The following PRKRIP1 variants were observed in gnomAD, a reference collection of about 807,000 sequenced individuals.
PRKRIP1 encodes PRKR interacting protein 1.
In PRKRIP1, 29 loss-of-function variants were observed where a neutral mutation model predicts 29.3. That is an observed-to-expected ratio of 0.99 (90% CI 0.74 to 1.35). PRKRIP1 has a LOEUF of 1.35. Among genes scored for constraint, PRKRIP1 ranks in the 40% most tolerant of loss-of-function variants. The probability of loss-of-function intolerance (pLI) is 0.00; values close to 1 mark genes in which losing one functional copy is unlikely to be tolerated. For synonymous variants in PRKRIP1, 90 were observed against 85.1 expected (o/e 1.06, Z -0.32); for missense variants, 247 against 236.8 (o/e 1.04, Z -0.28).
intron 3 of PRKRIP1, among the ~76,000 whole-genome samples, chr7:102,399,959 C>CCATT (rs762825444): frequency 1.3e-5 from 2 of 150,472 alleles, no homozygotes; most frequent in Non-Finnish European, 3.0e-5. Context: ...CAAGATCGTG[C>CCATT]CATTGCACTC....
At chr7:102,424,804 C>T (rs1796791401) in intron 5 of PRKRIP1, among the ~76,000 whole-genome samples, 1 of 151,984 alleles carries the variant, frequency 6.6e-6, no homozygotes, top group African/African-American at 2.4e-5. Flanking sequence ...TGGGGTGCAC[C>T]CGTGAGAGCA....
Position 102,407,354 on chromosome 7 carries a change from A to G in PRKRIP1, c.393-80A>G, listed in dbSNP as rs1156423414. 3.6e-6 allele frequency: 3 copies of G among 824,482 alleles called. No homozygotes were observed. The African/African-American group carries it at 5.2e-5, about 14-fold the overall frequency. 51.1% of individuals were successfully genotyped at this position (824,482 alleles called of 1,614,324 possible). A position where few individuals can be genotyped will look rare whatever the true frequency, so the allele number is the denominator to read the frequency against. ...TTGTGTTATTCCGCAGGTTTTAGAG[A>G]TACCATAAGGAGGTGTTTATTTTCT... On this transcript the variant is annotated intron_variant, in intron 4 of 5. Transcript: ENST00000397912.
intron 5 of PRKRIP1, among the ~76,000 whole-genome samples, chr7:102,418,618 C>G (rs1796613591): frequency 6.6e-6 from 1 of 152,286 alleles, no homozygotes; most frequent in East Asian, 1.9e-4. Flanking sequence ...GCCTTCTCTC[C>G]TTGTTTCTCT....
intron 3 of PRKRIP1, 76 bp from the exon 4 acceptor site, chr7:102,404,522 C>T (rs1586678810): frequency 5.0e-6 from 6 of 1,198,080 alleles, no homozygotes; most frequent in Non-Finnish European, 7.3e-6. Flanking sequence ...CTAGAACTCT[C>T]CTACTTTGCC....
chr7:102,407,480 G>C lies in PRKRIP1; in HGVS notation c.439G>C (p.Glu147Gln). 6.2e-7 allele frequency: 1 copy of C among 1,613,150 alleles called. No individual in the cohort carries two copies. The highest frequency in any genetic ancestry group is 2.2e-5 in the East Asian group (1 of 44,876). ...KKLLAKKMKL[E>Q]QKKQEGPGQP... is the part of the protein sequence containing the mutation. The stretch of plus-strand genomic sequence containing the variant: ...ATTACTGGCAAAGAAGATGAAACTT[G>C]AACAGAAGAAACAAGAAGGTGAGTG... Residue 147 changes from glutamate (E) to glutamine (Q), a missense_variant, in exon 5 of 6, where the codon GAA becomes CAA. Glu to Gln is a conservative substitution (Grantham distance 29). Coordinates refer to ENST00000397912, the MANE Select transcript of PRKRIP1 (RefSeq NM_024653.4).
Position 102,396,450 on chromosome 7 carries a change from G to A in PRKRIP1, c.39G>A (p.Arg13=), listed in dbSNP as rs1795898839. The part of the protein sequence containing the change: ...SPAASSVRPP[R]PKKEPQTLVI... ...CCGCCTCCTCGGTGCGACCACCGAG[G>A]CCCAAGAAAGAGCCGCAGACGCTCG... The change falls in exon 1 of 6, where the codon AGG becomes AGA. Residue 13 remains arginine, a synonymous_variant. Transcript: ENST00000397912. 6.2e-7 allele frequency: 1 copy of A among 1,605,572 alleles called. No homozygotes were observed. The highest frequency in any genetic ancestry group is 8.5e-7 in the Non-Finnish European group (1 of 1,177,732).
At chr7:102,401,554 T>G (rs1487420848) in intron 3 of PRKRIP1, among the ~76,000 whole-genome samples, 13 of 152,058 alleles carry the variant, frequency 8.5e-5, no homozygotes. Flanking sequence ...GCCAACATGG[T>G]GAGACCCCAT....
At chr7:102,421,985 C>T (rs560122472) in intron 5 of PRKRIP1, among the ~76,000 whole-genome samples, 1 of 152,036 alleles carries the variant, frequency 6.6e-6, no homozygotes, top group Admixed American at 6.6e-5. Flanking sequence ...CCGTTAAGCA[C>T]TTATGTGTGA....
intron 3 of PRKRIP1, among the ~76,000 whole-genome samples, chr7:102,401,288 G>A (rs1253763704): frequency 5.9e-5 from 9 of 152,326 alleles, no homozygotes; most frequent in African/African-American, 2.2e-4. Context: ...TCAAAGAGCA[G>A]TGGATATATC....
At chr7:102,397,272 T>C (rs1554570520) in intron 1 of PRKRIP1, among the ~76,000 whole-genome samples, 1 of 152,178 alleles carries the variant, frequency 6.6e-6, no homozygotes, top group Non-Finnish European at 1.5e-5. Flanking sequence ...GGCTGGGTGC[T>C]GTGGCCCCTG....
chr7:102,403,892 T>C (rs146007714), intron 3 of PRKRIP1, among the ~76,000 whole-genome samples: 2,600 of 152,284 alleles, frequency 0.017, 38 homozygotes, highest in Non-Finnish European at 0.025. Flanking sequence ...ATTTGGTGGC[T>C]GGGCACAGTG....
At chr7:102,408,794 T>C (rs1446009720) in intron 5 of PRKRIP1, among the ~76,000 whole-genome samples, 1 of 152,160 alleles carries the variant, frequency 6.6e-6, no homozygotes, top group Non-Finnish European at 1.5e-5. Flanking sequence ...GGAGAATCAC[T>C]TGAGCCCAGG....
intron 3 of PRKRIP1, 88 bp downstream of exon 3, chr7:102,399,736 C>A: frequency 9.4e-7 from 1 of 1,065,072 alleles, no homozygotes; most frequent in Non-Finnish European, 1.4e-6. Context: ...AGAGGCTGGG[C>A]GTGGTGGCTC....
chr7:102,408,464 T>G (rs1796289554), intron 5 of PRKRIP1, among the ~76,000 whole-genome samples: 1 of 152,186 alleles, frequency 6.6e-6, no homozygotes, highest in African/African-American at 2.4e-5. Flanking sequence ...CATCCCACCG[T>G]GCTGCCAATC....
At chr7:102,423,822 A>G (rs1554574125) in intron 5 of PRKRIP1, among the ~76,000 whole-genome samples, 2 of 152,006 alleles carry the variant, frequency 1.3e-5, no homozygotes, top group African/African-American at 2.4e-5. Flanking sequence ...GACTATAGGC[A>G]TGTGTCACCA....
chr7:102,397,263 G>T (rs1274943761), intron 1 of PRKRIP1, among the ~76,000 whole-genome samples: 1 of 152,184 alleles, frequency 6.6e-6, no homozygotes, highest in Non-Finnish European at 1.5e-5. Flanking sequence ...TGTAACTTGG[G>T]CTGGGTGCTG....
At chr7:102,419,920 G>A (rs912197104) in intron 5 of PRKRIP1, among the ~76,000 whole-genome samples, 3 of 148,760 alleles carry the variant, frequency 2.0e-5, no homozygotes, top group Admixed American at 6.8e-5. Context: ...TCTCTCTGTC[G>A]CCCAGGCTGG....
chr7:102,398,580 C>A (rs1243437407), intron 2 of PRKRIP1, among the ~76,000 whole-genome samples: 9 of 152,066 alleles, frequency 5.9e-5, no homozygotes, highest in African/African-American at 2.2e-4. Flanking sequence ...CCACAGTGCC[C>A]GGCCATCTCC....
At position 102,425,197 on chromosome 7, in the gene PRKRIP1, A is replaced by G. The variant is rs782261169; in HGVS notation, c.*86A>G. The G allele has an allele frequency of 9.1e-6, 14 of 1,536,422 alleles. No homozygotes were observed. In the East Asian group the frequency reaches 2.9e-4, roughly 32 times the overall value. On this transcript the variant is annotated 3_prime_UTR_variant, in exon 6 of 6. Coordinates refer to ENST00000397912, the MANE Select transcript of PRKRIP1 (RefSeq NM_024653.4). ...GGCTGTTTGGCTCTTTCTCCCCCGC[A>G]AGGACCCGCTGACCCGCTGGATGGA...
Sources: allele counts gnomAD v4.1 joint callset (sites outside exome capture counted in the v4.1 genomes callset), GRCh38; gene constraint gnomAD v4.1.1; transcripts MANE v1.5; gene names NCBI Gene and HGNC (gene_info 2026-07-23, HGNC 2026-07-21).